EXT2: variants seen among roughly 807,000 people sequenced by gnomAD.
The protein encoded by EXT2 is exostosin glycosyltransferase 2.
EXT2 carries 53 observed loss-of-function variants against 81.6 expected under a neutral mutation model. That is an observed-to-expected ratio of 0.65 (90% confidence interval 0.52 to 0.82). The LOEUF (loss-of-function observed/expected upper bound fraction) is 0.82, where lower values mean the gene tolerates loss of function less well. EXT2 is among the 40% of genes least tolerant of loss of function. EXT2 has a pLI of 0.00. For synonymous variants in EXT2, 320 were observed against 340.0 expected, an observed-to-expected ratio of 0.94 and a Z score of 0.65; for missense variants, 774 against 910.2, an observed-to-expected ratio of 0.85 and a Z score of 1.93.
At chr11:44,199,508 G>T (rs762142231) in intron 9 of EXT2, among the ~76,000 whole-genome samples, 10 of 152,256 alleles carry the variant, frequency 6.6e-5, no homozygotes, top group Admixed American at 1.3e-4. Context: ...GCCTGTATTT[G>T]CTCCTGCATG....
intron 1 of EXT2, among the ~76,000 whole-genome samples, chr11:44,101,184 G>A (rs1326282979): frequency 2.0e-5 from 3 of 152,224 alleles, no homozygotes; most frequent in African/African-American, 7.2e-5. Flanking sequence ...CTGGAGAGGA[G>A]AGAACCTGTT....
intron 6 of EXT2, among the ~76,000 whole-genome samples, 186 bp downstream of exon 6, chr11:44,127,141 C>G (rs1380090072): frequency 5.3e-5 from 8 of 152,216 alleles, no homozygotes; most frequent in African/African-American, 1.9e-4. Flanking sequence ...AGTTTGCAGG[C>G]TGGCTGTTTT....
chr11:44,170,465 G>T (rs1308281475), intron 7 of EXT2, among the ~76,000 whole-genome samples: 1 of 151,750 alleles, frequency 6.6e-6, no homozygotes, highest in Non-Finnish European at 1.5e-5. Context: ...AATAAAATCA[G>T]AACAAAAACT....
intron 7 of EXT2, among the ~76,000 whole-genome samples, chr11:44,132,849 C>T (rs1055237176): frequency 4.6e-5 from 7 of 152,174 alleles, no homozygotes; most frequent in Non-Finnish European, 8.8e-5. Context: ...CTCACTAGTC[C>T]CACTCCCCTT....
At chr11:44,137,735 A>T (rs1475507201) in intron 7 of EXT2, among the ~76,000 whole-genome samples, 1 of 152,224 alleles carries the variant, frequency 6.6e-6, no homozygotes, top group Non-Finnish European at 1.5e-5. Context: ...CTTTTCTAAG[A>T]GTAGCTCACC....
At chr11:44,178,367 C>T (rs1238542228) in intron 8 of EXT2, among the ~76,000 whole-genome samples, 1 of 152,140 alleles carries the variant, frequency 6.6e-6, no homozygotes, top group Non-Finnish European at 1.5e-5. Context: ...TAACTCACTC[C>T]CTGGAGAAGG....
intron 7 of EXT2, among the ~76,000 whole-genome samples, chr11:44,153,961 A>T: frequency 6.6e-6 from 1 of 150,986 alleles, no homozygotes. Context: ...TTTTCATGAG[A>T]GATATTGGTC....
Position 44,114,204 on chromosome 11 carries a change from G to A in EXT2, c.646G>A (p.Gly216Ser), listed in dbSNP as rs1208541215. ...PRDRALLAGG[G>S]FSTWTYRQGY... is the part of the protein sequence containing the mutation. ...TTTCAGGGCCCTGTTGGCTGGTGGC[G>A]GCTTTTCTACGTGGACTTACCGGCA... Residue 216 changes from glycine to serine, a missense_variant, in exon 4 of 14, where the codon GGC (glycine) becomes AGC (serine). Around this residue, in one of 2 missense-constraint regions of EXT2, gnomAD observed 626 missense variants for 670.5 expected, o/e 0.93. Transcript: ENST00000533608. 8.7e-6 allele frequency: 14 copies of A among 1,613,912 alleles called. No individual in the cohort carries two copies. The Admixed American group carries it at 1.5e-4, about 17-fold the overall frequency.
chr11:44,239,840 G>C (rs192105868), intron 13 of EXT2, among the ~76,000 whole-genome samples: 1 of 152,052 alleles, frequency 6.6e-6, no homozygotes, highest in African/African-American at 2.4e-5. Context: ...GTTGAGCCCA[G>C]TCATCCCTCG....
chr11:44,193,805 C>T (rs1027085286), intron 8 of EXT2, among the ~76,000 whole-genome samples: 2 of 152,202 alleles, frequency 1.3e-5, no homozygotes, highest in African/African-American at 4.8e-5. Context: ...ATGCTGCCTT[C>T]CCTGCTTCTC....
chr11:44,142,058 A>G (rs1277077975), intron 7 of EXT2, among the ~76,000 whole-genome samples: 1 of 152,220 alleles, frequency 6.6e-6, no homozygotes, highest in Non-Finnish European at 1.5e-5. Context: ...TAATAAAATA[A>G]GTCATTTTGT....
rs765129472 is a variant in EXT2 at position 44,250,634 on chromosome 11, A to G, written c.*6347A>G. 4.6e-5 allele frequency among the ~76,000 whole-genome samples: 7 copies of G among 152,010 alleles called. No individual in the cohort carries two copies. The highest frequency in any genetic ancestry group is 8.8e-5 in the Non-Finnish European group (6 of 67,984). ...CTTTCCTGTGCTATAAATAAGCCCC[A>G]TGTTTATTTTCTTATGTTATTGAAA... On this transcript the variant is annotated 3_prime_UTR_variant, in exon 14 of 14. Coordinates refer to ENST00000533608, the MANE Select transcript of EXT2 (RefSeq NM_207122.2).
At position 44,193,411 on chromosome 11, in the gene EXT2, A is replaced by C. The variant is rs74342554; in HGVS notation, c.1306-4418A>C. 4.8e-3 allele frequency among the ~76,000 whole-genome samples: 728 copies of C among 152,328 alleles called. 7 individuals are homozygous for C. Among genetic ancestry groups the C allele is most frequent in the African/African-American group, 0.017 (698 of 41,580 alleles). On this transcript the variant is annotated intron_variant, in intron 8 of 13. Coordinates refer to ENST00000533608, the MANE Select transcript of EXT2 (RefSeq NM_207122.2). ...GCTTCTACATGACAGTACCTTACAT[A>C]TATTACCTCATTTATGCTAAGTAAT...
chr11:44,148,158 C>T (rs1954745615), intron 7 of EXT2, among the ~76,000 whole-genome samples: 1 of 152,126 alleles, frequency 6.6e-6, no homozygotes, highest in Non-Finnish European at 1.5e-5. Context: ...AACTGTGTTA[C>T]AATAAAAGAA....
intron 13 of EXT2, among the ~76,000 whole-genome samples, chr11:44,236,961 AAG>A (rs1464618712): frequency 6.6e-6 from 1 of 152,178 alleles, no homozygotes; most frequent in African/African-American, 2.4e-5. Flanking sequence ...TAAGAATTAA[AAG>A]AGTGGGAGAT....
intron 8 of EXT2, among the ~76,000 whole-genome samples, chr11:44,191,899 T>C (rs1955396311): frequency 6.6e-6 from 1 of 152,194 alleles, no homozygotes; most frequent in Non-Finnish European, 1.5e-5. Flanking sequence ...AGAAGCTTAG[T>C]TGTAGATCAG....
intron 10 of EXT2, among the ~76,000 whole-genome samples, chr11:44,207,298 G>A (rs1160452246): frequency 1.3e-5 from 2 of 152,194 alleles, no homozygotes; most frequent in African/African-American, 4.8e-5. Context: ...GCAGCTAGGC[G>A]CTGCAACAAT....
chr11:44,213,146 G>A (rs1955673186), intron 10 of EXT2, among the ~76,000 whole-genome samples: 1 of 151,904 alleles, frequency 6.6e-6, no homozygotes, highest in African/African-American at 2.4e-5. Flanking sequence ...AAGAAGAAAA[G>A]TCTAAAAGCA....
At chr11:44,138,191 G>A (rs921691134) in intron 7 of EXT2, among the ~76,000 whole-genome samples, 1 of 152,298 alleles carries the variant, frequency 6.6e-6, no homozygotes, top group African/African-American at 2.4e-5. Context: ...AGAGAACTTG[G>A]TTGAGAACTG....
Sources: allele counts gnomAD v4.1 joint callset (sites outside exome capture counted in the v4.1 genomes callset), GRCh38; gene constraint gnomAD v4.1.1; regional missense constraint gnomAD v4.1.1; transcripts MANE v1.5; gene names NCBI Gene and HGNC (gene_info 2026-07-23, HGNC 2026-07-21).